The following AGTPBP1 variants were observed in gnomAD, a reference collection of about 807,000 sequenced individuals.
AGTPBP1 encodes cytosolic carboxypeptidase 1.
AGTPBP1 carries 70 observed loss-of-function variants against 143.9 expected under a neutral mutation model. The ratio of observed to expected loss-of-function variants is 0.49; its 90% CI spans 0.40 to 0.59. The LOEUF (loss-of-function observed/expected upper bound fraction) is 0.59. Ranked by LOEUF, AGTPBP1 falls within the 20% of genes least tolerant of loss-of-function variation. The pLI is 0.00. For synonymous variants in AGTPBP1, 463 were observed against 500.2 expected, an observed-to-expected ratio of 0.93 and a Z score of 0.99; for missense variants, 1,229 against 1,464.5, an observed-to-expected ratio of 0.84 and a Z score of 2.62.
intron 3 of AGTPBP1, among the ~76,000 whole-genome samples, chr9:85,686,002 C>A (rs1323775703): frequency 1.3e-5 from 2 of 151,554 alleles, no homozygotes; most frequent in African/African-American, 4.8e-5. Flanking sequence ...AAACGAAATT[C>A]TAAAAAAAAG....
chr9:85,715,975 T>C (rs116984723), intron 1 of AGTPBP1, among the ~76,000 whole-genome samples: 2,258 of 152,304 alleles, frequency 0.015, 25 homozygotes, highest in Middle Eastern at 0.037. Flanking sequence ...TTCTGTGTCT[T>C]AGGAAAAAAA....
At chr9:85,693,882 G>T (rs1564152835) in intron 2 of AGTPBP1, among the ~76,000 whole-genome samples, 1 of 151,840 alleles carries the variant, frequency 6.6e-6, no homozygotes, top group African/African-American at 2.4e-5. Context: ...CCTGAAAGAA[G>T]CAAGTAAATA....
intron 1 of AGTPBP1, among the ~76,000 whole-genome samples, chr9:85,725,817 G>A (rs556792081): frequency 6.6e-6 from 1 of 152,104 alleles, no homozygotes; most frequent in African/African-American, 2.4e-5. Context: ...AGGCCAAGGC[G>A]GGCGAATCAC....
the AGTPBP1 span, among the ~76,000 whole-genome samples, chr9:85,772,001 CCT>C: frequency 7.4e-6 from 1 of 134,970 alleles, no homozygotes; most frequent in African/African-American, 3.3e-5. Context: ...TTTTTTTTTC[CCT>C]GAGATGGAGT....
chr9:85,611,197 C>A (rs1587733813), intron 17 of AGTPBP1, among the ~76,000 whole-genome samples: 1 of 132,910 alleles, frequency 7.5e-6, no homozygotes, highest in Non-Finnish European at 1.6e-5. Context: ...TTGGATTCCA[C>A]AGCTAAAATA....
At chr9:85,602,690 A>G (rs1411296014) in intron 17 of AGTPBP1, among the ~76,000 whole-genome samples, 2 of 152,140 alleles carry the variant, frequency 1.3e-5, no homozygotes, top group Non-Finnish European at 2.9e-5. Flanking sequence ...TTGAACAACT[A>G]TCCACGCAAG....
At chr9:85,791,329 G>A in the AGTPBP1 span, among the ~76,000 whole-genome samples, 31,570 of 151,184 alleles carry the variant, frequency 0.21, 4,319 homozygotes, top group South Asian at 0.45. Context: ...AGCCGAGATC[G>A]CGCCATTGCA....
At chr9:85,636,822 T>A (rs1395028638) in intron 13 of AGTPBP1, among the ~76,000 whole-genome samples, 3 of 151,770 alleles carry the variant, frequency 2.0e-5, no homozygotes, top group Non-Finnish European at 4.4e-5. Flanking sequence ...ACTCACAGAA[T>A]CCAAATACAA....
At chr9:85,708,797 A>G (rs1837183715) in intron 2 of AGTPBP1, among the ~76,000 whole-genome samples, 1 of 152,210 alleles carries the variant, frequency 6.6e-6, no homozygotes, top group Non-Finnish European at 1.5e-5. Context: ...CGGCCTCCCA[A>G]AGTGCTGGGA....
intron 8 of AGTPBP1, among the ~76,000 whole-genome samples, chr9:85,662,028 G>GA (rs914171302): frequency 5.9e-5 from 9 of 152,066 alleles, no homozygotes; most frequent in African/African-American, 2.2e-4. Flanking sequence ...GCACAGCTAT[G>GA]AAAAAACTGC....
chr9:85,755,517 T>C, the AGTPBP1 span, among the ~76,000 whole-genome samples: 6 of 152,338 alleles, frequency 3.9e-5, no homozygotes, highest in South Asian at 6.2e-4. Context: ...TCCTCCATCA[T>C]CTGTGTCTTC....
chr9:85,718,158 T>C (rs1032109183), intron 1 of AGTPBP1, among the ~76,000 whole-genome samples: 1 of 152,212 alleles, frequency 6.6e-6, no homozygotes, highest in African/African-American at 2.4e-5. Context: ...TGTGTCTTTA[T>C]AGCAGCATGA....
At chr9:85,555,089 C>G (rs542256461) in intron 25 of AGTPBP1, among the ~76,000 whole-genome samples, 26 of 152,210 alleles carry the variant, frequency 1.7e-4, no homozygotes, top group Non-Finnish European at 3.8e-4. Context: ...TGAGGAAAAA[C>G]GAATGTGGCA....
the AGTPBP1 span, among the ~76,000 whole-genome samples, chr9:85,805,042 T>C: frequency 6.6e-6 from 1 of 152,128 alleles, no homozygotes; most frequent in African/African-American, 2.4e-5. Flanking sequence ...TCCACCCGCT[T>C]GAGGAGAGCC....
chr9:85,615,560 AGT>A lies in AGTPBP1; in HGVS notation c.2335+3421_2335+3422del, dbSNP rs374158583. Among the ~76,000 whole-genome samples, 94 of 152,250 alleles carry A rather than the reference AGT, an allele frequency of 6.2e-4. 1 individual carries two copies. The Middle Eastern group carries it at 0.017, about 28-fold the overall frequency. On this transcript the variant is annotated intron_variant, in intron 17 of 25. Coordinates refer to ENST00000357081, the MANE Select transcript of AGTPBP1 (RefSeq NM_001330701.2). ...TTATTGTACAGTTTTAAAAAAATGT[AGT>A]GTTACACATGAGCTTTCATACTATA...
chr9:85,720,586 TG>T (rs1838040190), intron 1 of AGTPBP1, among the ~76,000 whole-genome samples: 1 of 152,130 alleles, frequency 6.6e-6, no homozygotes, highest in South Asian at 2.1e-4. Context: ...TGGTCTATTT[TG>T]TTGATTTTTT....
At chr9:85,589,396 A>C in intron 20 of AGTPBP1, 132 bp downstream of exon 20, 1 of 1,182,792 alleles carries the variant, frequency 8.5e-7, no homozygotes, top group Non-Finnish European at 1.2e-6. Flanking sequence ...TAGCTAGATA[A>C]TAGCAGGGCC....
At chr9:85,773,392 G>GGGC in the AGTPBP1 span, among the ~76,000 whole-genome samples, 5 of 138,582 alleles carry the variant, frequency 3.6e-5, no homozygotes, top group African/African-American at 1.4e-4. Context: ...GAGTGCAATG[G>GGGC]GGCGATCTTG....
rs1284500857 is a variant in AGTPBP1, at chr9:85,692,683, G to A, written c.157+6C>T. On this transcript the variant is annotated splice_donor_region_variant and intron_variant, in intron 3 of 25. Coordinates refer to ENST00000357081, the MANE Select transcript of AGTPBP1 (RefSeq NM_001330701.2). ...TTTCAAAAACAAAGAAGAGATCAAT[G>A]TTTACCTTGACTCTGAGCCAGATGA... 1.2e-6 allele frequency: 2 copies of A among 1,612,292 alleles called. No homozygotes were observed. The highest frequency in any genetic ancestry group is 3.4e-5 in the Admixed American group (2 of 59,656).
Sources: allele counts gnomAD v4.1 joint callset (sites outside exome capture counted in the v4.1 genomes callset), GRCh38; gene constraint gnomAD v4.1.1; transcripts MANE v1.5; gene names NCBI Gene and HGNC (gene_info 2026-07-23, HGNC 2026-07-21).